Variants in PLEKHG7 observed in about 807,000 individuals in gnomAD.
PLEKHG7 encodes pleckstrin homology domain-containing family G member 7.
Under a neutral mutation model 85.2 loss-of-function variants are expected in PLEKHG7, and 77 were observed. That is an observed-to-expected ratio of 0.90 (90% confidence interval 0.75 to 1.09). The LOEUF (loss-of-function observed/expected upper bound fraction) is 1.09. PLEKHG7 is among the 50% of genes least tolerant of loss of function. The pLI is 0.00. For synonymous variants in PLEKHG7, 301 were observed against 302.4 expected, an observed-to-expected ratio of 1.00 and a Z score of 0.05; for missense variants, 777 against 804.3, an observed-to-expected ratio of 0.97 and a Z score of 0.41.
At chr12:92,765,175 G>A (rs1265942367) in intron 15 of PLEKHG7, among the ~76,000 whole-genome samples, 1 of 152,088 alleles carries the variant, frequency 6.6e-6, no homozygotes, top group Non-Finnish European at 1.5e-5. Flanking sequence ...ACATAGTTAT[G>A]CTACATAACT....
At chr12:92,742,595 T>TG (rs1299044823) in intron 9 of PLEKHG7, among the ~76,000 whole-genome samples, 4 of 151,012 alleles carry the variant, frequency 2.6e-5, no homozygotes, top group Non-Finnish European at 5.9e-5. Context: ...TGTTTAGTTT[T>TG]TTTTTTTTTT....
At chr12:92,719,246 TAA>T (rs1301162525) in intron 3 of PLEKHG7, among the ~76,000 whole-genome samples, 1 of 152,250 alleles carries the variant, frequency 6.6e-6, no homozygotes, top group Non-Finnish European at 1.5e-5. Flanking sequence ...TTGATTATTT[TAA>T]AAAGAGATTT....
rs1873388167 is a variant in PLEKHG7, at chr12:92,770,707, T to C, written c.*512T>C. On this transcript the variant is annotated 3_prime_UTR_variant, in exon 17 of 17. Coordinates refer to ENST00000344636, the MANE Select transcript of PLEKHG7 (RefSeq NM_001377329.1). ...ATTGTTCTTTTAATATACAAAGCAATAAATAGGGACTACATTTAAGTAGCA... is the reference window on the plus strand; with the variant it reads ...ATTGTTCTTTTAATATACAAAGCAACAAATAGGGACTACATTTAAGTAGCA... 1 of 152,334 alleles carries C rather than the reference T, an allele frequency of 6.6e-6. No individual in the cohort carries two copies. The highest frequency in any genetic ancestry group is 1.5e-5 in the Non-Finnish European group (1 of 68,160). 9.4% of individuals were successfully genotyped at this position (152,334 alleles called of 1,614,324 possible).
intron 10 of PLEKHG7, among the ~76,000 whole-genome samples, chr12:92,747,648 G>A (rs1354060262): frequency 1.3e-5 from 2 of 152,174 alleles, no homozygotes; most frequent in Non-Finnish European, 2.9e-5. Flanking sequence ...CCAAAATATA[G>A]AATCAATCTA....
intron 10 of PLEKHG7, 128 bp from the exon 11 acceptor site, chr12:92,753,962 C>A: frequency 1.2e-6 from 1 of 864,888 alleles, no homozygotes. Context: ...TATAAATTGT[C>A]CCAGCAAACT....
At chr12:92,731,778 A>T (rs893432401) in intron 4 of PLEKHG7, among the ~76,000 whole-genome samples, 1 of 152,170 alleles carries the variant, frequency 6.6e-6, no homozygotes, top group Non-Finnish European at 1.5e-5. Flanking sequence ...GAGTGAATGC[A>T]GTTTCCAAGT....
chr12:92,721,933 G>A (rs1281687567), intron 3 of PLEKHG7, among the ~76,000 whole-genome samples: 1 of 151,820 alleles, frequency 6.6e-6, no homozygotes, highest in Non-Finnish European at 1.5e-5. Context: ...TTCACACTGG[G>A]CACCCCTACC....
rs199938259 is a variant in PLEKHG7 at position 92,755,916 on chromosome 12, A to G, written c.1518A>G (p.Arg506=). 33 of 1,610,218 alleles carry G rather than the reference A, an allele frequency of 2.0e-5. No individual in the cohort carries two copies. The African/African-American group carries it at 2.3e-4, about 11-fold the overall frequency. Residue 506 remains arginine, a synonymous_variant, in exon 12 of 17, where the codon AGA becomes AGG. Coordinates refer to ENST00000344636, the MANE Select transcript of PLEKHG7 (RefSeq NM_001377329.1). The stretch of plus-strand genomic sequence containing the variant: ...TAGTGTGGCCACCGCTTTGGGATAG[A>G]GATAAAAGGTTTTTCATTCCAGAGG... The part of the protein sequence containing the change: ...EIIVWPPLWD[R]DKRFFIPECL...
chr12:92,735,958 A>G (rs187834762), intron 5 of PLEKHG7, among the ~76,000 whole-genome samples: 2 of 152,298 alleles, frequency 1.3e-5, no homozygotes, highest in East Asian at 3.9e-4. Flanking sequence ...TAAGTGGGTG[A>G]TTCCATTCTA....
At chr12:92,739,686 C>T (rs1872291295) in intron 7 of PLEKHG7, among the ~76,000 whole-genome samples, 1 of 152,114 alleles carries the variant, frequency 6.6e-6, no homozygotes, top group Non-Finnish European at 1.5e-5. Context: ...ATTTGTAACT[C>T]ATATAATAAA....
chr12:92,761,635 A>AAAGAAAGGAAGAAAGG (rs750831243), intron 13 of PLEKHG7, 117 bp from the exon 14 acceptor site: 2 of 288,196 alleles, frequency 6.9e-6, no homozygotes, highest in African/African-American at 1.1e-4. Flanking sequence ...AGAAAGAAAG[A>AAAGAAAGGAAGAAAGG]AAGAAAGAAA....
chr12:92,752,842 T>G (rs923611788), intron 10 of PLEKHG7, among the ~76,000 whole-genome samples: 1 of 152,298 alleles, frequency 6.6e-6, no homozygotes, highest in East Asian at 1.9e-4. Flanking sequence ...AGTCTCCTGG[T>G]GCCAGCATGG....
In PLEKHG7 at chr12:92,737,745, G is replaced by A. The variant is rs371414465; in HGVS notation, c.939+224G>A. ...GGAAGGAAGGAGGGAGGAAGGGAGG[G>A]AGGGAGGAAGGAAGGAAGGAAGGAA... On this transcript the variant is annotated intron_variant, in intron 7 of 16. Coordinates refer to ENST00000344636, the MANE Select transcript of PLEKHG7 (RefSeq NM_001377329.1). 3.8e-5 allele frequency among the ~76,000 whole-genome samples: 2 copies of A among 52,760 alleles called. 1 individual carries two copies. The highest frequency in any genetic ancestry group is 9.6e-5 in the Non-Finnish European group (2 of 20,752). The allele number at this position is 52,760 out of a possible 152,430, so 34.6% of individuals were successfully genotyped here. A position where few individuals can be genotyped will look rare whatever the true frequency, so the allele number is the denominator to read the frequency against.
intron 15 of PLEKHG7, among the ~76,000 whole-genome samples, chr12:92,766,889 CA>C (rs1265079648): frequency 6.6e-6 from 1 of 152,180 alleles, no homozygotes; most frequent in African/African-American, 2.4e-5. Flanking sequence ...TTGTAACTAC[CA>C]TCTCTTGTTC....
chr12:92,710,663 G>A (rs1334467993), intron 3 of PLEKHG7, among the ~76,000 whole-genome samples: 3 of 152,156 alleles, frequency 2.0e-5, no homozygotes, highest in South Asian at 2.1e-4. Context: ...GTGCCATATC[G>A]AGGGCTCAGT....
At chr12:92,756,887 G>A (rs1872850998) in intron 13 of PLEKHG7, among the ~76,000 whole-genome samples, 1 of 152,184 alleles carries the variant, frequency 6.6e-6, no homozygotes, top group African/African-American at 2.4e-5. Flanking sequence ...CAGACCTTCA[G>A]GATAAGTTCA....
intron 3 of PLEKHG7, among the ~76,000 whole-genome samples, chr12:92,723,018 G>A (rs78951798): frequency 0.018 from 2,685 of 151,648 alleles, 96 homozygotes; most frequent in African/African-American, 0.061. Context: ...TGGAGGAGGA[G>A]TGTCTAAGCT....
intron 4 of PLEKHG7, among the ~76,000 whole-genome samples, chr12:92,731,150 T>C (rs542807490): frequency 6.6e-6 from 1 of 152,280 alleles, no homozygotes; most frequent in African/African-American, 2.4e-5. Flanking sequence ...AGGAGAGAAA[T>C]TGGCCAAGGA....
intron 3 of PLEKHG7, among the ~76,000 whole-genome samples, chr12:92,718,111 T>C (rs1386974733): frequency 6.6e-6 from 1 of 152,206 alleles, no homozygotes. Context: ...ACCCCTTATG[T>C]CCCTAGCACT....
Sources: allele counts gnomAD v4.1 joint callset (sites outside exome capture counted in the v4.1 genomes callset), GRCh38; gene constraint gnomAD v4.1.1; transcripts MANE v1.5; gene names NCBI Gene and HGNC (gene_info 2026-07-23, HGNC 2026-07-21).